The following MAST3 variants were observed in gnomAD, a reference collection of about 807,000 sequenced individuals.
MAST3 encodes microtubule associated serine/threonine kinase 3.
MAST3 carries 43 observed loss-of-function variants against 127.0 expected under a neutral mutation model. The ratio of observed to expected loss-of-function variants is 0.34; its 90% confidence interval spans 0.27 to 0.44. The LOEUF is 0.44. MAST3 is among the 20% of genes least tolerant of loss of function. MAST3 has a pLI of 1.00. For synonymous variants in MAST3, 785 were observed against 809.2 expected, an observed-to-expected ratio of 0.97 and a Z score of 0.51; for missense variants, 1,390 against 1,919.1, an observed-to-expected ratio of 0.72 and a Z score of 5.15.
chr19:18,138,675 T>A (rs1359367726), intron 19 of MAST3, among the ~76,000 whole-genome samples: 1 of 151,094 alleles, frequency 6.6e-6, no homozygotes, highest in Non-Finnish European at 1.5e-5. Context: ...ATATTTGTAT[T>A]TGTAGTAGAG....
At chr19:18,106,809 G>A (rs974692423) in intron 1 of MAST3, among the ~76,000 whole-genome samples, 3 of 151,528 alleles carry the variant, frequency 2.0e-5, no homozygotes, top group Non-Finnish European at 2.9e-5. Context: ...GACCTCAGGT[G>A]ATCTGCCCAC....
intron 27 of MAST3, among the ~76,000 whole-genome samples, chr19:18,148,314 T>G (rs560549486): frequency 9.4e-5 from 14 of 149,050 alleles, no homozygotes; most frequent in South Asian, 2.1e-4. Flanking sequence ...AAAAAAAAAT[T>G]AGGTGGTTGT....
rs769059046 is a variant in MAST3, at chr19:18,146,977, C to T, written c.3259C>T (p.Arg1087Cys). ...GAATGTGGCCAAGGGCCGCATGGCA[C>T]GCAGGAGCAAGAGGAGCCGTCGGCG... The part of the protein sequence containing the change: ...RKNVAKGRMA[R>C]RSKRSRRRET... Residue 1087 changes from arginine (R) to cysteine (C), a missense_variant, in exon 26 of 28, where the codon CGC becomes TGC. Physicochemically the swap from Arg to Cys is radical, Grantham distance 180. Around this residue, in one of 5 missense-constraint regions of MAST3, gnomAD observed 816 missense variants for 934.1 expected, o/e 0.87. Coordinates refer to ENST00000687212, the MANE Select transcript of MAST3 (RefSeq NM_001393504.1). 3.2e-6 allele frequency: 5 copies of T among 1,566,404 alleles called. No individual in the cohort carries two copies. Among genetic ancestry groups the T allele is most frequent in the African/African-American group, 2.7e-5 (2 of 73,798 alleles).
chr19:18,116,506 G>C (rs1406380805), intron 3 of MAST3, among the ~76,000 whole-genome samples: 1 of 149,796 alleles, frequency 6.7e-6, no homozygotes, highest in African/African-American at 2.4e-5. Flanking sequence ...TGTTGGCCAG[G>C]CTGGTCTCAA....
chr19:18,108,628 A>G (rs2038256027), intron 2 of MAST3, among the ~76,000 whole-genome samples: 1 of 152,176 alleles, frequency 6.6e-6, no homozygotes, highest in African/African-American at 2.4e-5. Flanking sequence ...TCAACCTCCC[A>G]AAGTGCTGGG....
At position 18,111,530 on chromosome 19, in the gene MAST3, C is replaced by CTTTTTTTTT. The variant is rs576984210; in HGVS notation, c.161+803_161+811dup. Among the ~76,000 whole-genome samples the CTTTTTTTTT allele has an allele frequency of 1.9e-3, 199 of 103,236 alleles. 23 individuals are homozygous for CTTTTTTTTT. The highest frequency in any genetic ancestry group is 8.7e-3 in the African/African-American group (187 of 21,604). 67.7% of individuals were successfully genotyped at this position (103,236 alleles called of 152,430 possible). On this transcript the variant is annotated intron_variant, in intron 3 of 27. Coordinates refer to ENST00000687212, the MANE Select transcript of MAST3 (RefSeq NM_001393504.1). ...TGAGCTGCTTAACTCTTTCCACAGA[C>CTTTTTTTTT]TTTTTTTTTTTTTTTTTTTTTTGAG...
chr19:18,119,387 G>A (rs1270721830), intron 3 of MAST3, among the ~76,000 whole-genome samples: 2 of 152,152 alleles, frequency 1.3e-5, no homozygotes, highest in Non-Finnish European at 2.9e-5. Context: ...CCAGGTGAGC[G>A]TGCATTGAGG....
intron 1 of MAST3, among the ~76,000 whole-genome samples, chr19:18,101,991 C>T (rs1303439569): frequency 6.7e-6 from 1 of 150,210 alleles, no homozygotes; most frequent in Non-Finnish European, 1.5e-5. Context: ...TGCCATTCTC[C>T]TGCCTCAGCC....
At position 18,149,883 on chromosome 19, in the gene MAST3, G is replaced by A. The variant is rs2043407708; in HGVS notation, c.*157G>A. Reference sequence around the variant, plus strand: ...TTGCTGGAAGGTGGAGACATCGCTTGTGTTCTGGTGTCAATCGGGGCTGGA... The same window carrying A: ...TTGCTGGAAGGTGGAGACATCGCTTATGTTCTGGTGTCAATCGGGGCTGGA... On this transcript the variant is annotated 3_prime_UTR_variant, in exon 28 of 28. Coordinates refer to ENST00000687212, the MANE Select transcript of MAST3 (RefSeq NM_001393504.1). This position sits in a 1 kb window ranked among gnomAD's most constrained non-coding sequence, Gnocchi z 5.9. 4 of 988,370 alleles carry A rather than the reference G, an allele frequency of 4.0e-6. No homozygotes were observed. The highest frequency in any genetic ancestry group is 5.4e-6 in the Non-Finnish European group (4 of 740,784). The allele number at this position is 988,370 out of a possible 1,614,324, so 61.2% of individuals were successfully genotyped here. A position where few individuals can be genotyped will look rare whatever the true frequency, so the allele number is the denominator to read the frequency against.
In MAST3 at chr19:18,099,916, A is replaced by G. The variant is rs554862197; in HGVS notation, c.39+2085A>G. On this transcript the variant is annotated intron_variant, in intron 1 of 27. Coordinates refer to ENST00000687212, the MANE Select transcript of MAST3 (RefSeq NM_001393504.1). ...TTTCCCCCTAGGGTGATGGGGAGCT[A>G]TGGAAGGTGCTGGAGCAGGAGAGGA... Among the ~76,000 whole-genome samples the G allele has an allele frequency of 1.2e-3, 182 of 152,232 alleles. 1 individual carries two copies. The highest frequency in any genetic ancestry group is 4.2e-3 in the African/African-American group (173 of 41,554).
At chr19:18,134,739 C>T (rs367908782) in intron 16 of MAST3, 28 bp downstream of exon 16, 103 of 1,612,842 alleles carry the variant, frequency 6.4e-5, no homozygotes, top group Non-Finnish European at 8.0e-5. Context: ...TGGGCAGCCC[C>T]GGGATGCCTC....
rs2038415102 is a variant in MAST3 at position 18,110,107 on chromosome 19, C to A, written c.72-545C>A. ...GACCCTCGCTGCCGGGCCGGGCCTGCGCGCAGGTGCGGAGCTGCGATCCCC... is the reference window on the plus strand; with the variant it reads ...GACCCTCGCTGCCGGGCCGGGCCTGAGCGCAGGTGCGGAGCTGCGATCCCC... On this transcript the variant is annotated intron_variant, in intron 2 of 27. Coordinates refer to ENST00000687212, the MANE Select transcript of MAST3 (RefSeq NM_001393504.1). This position sits in a 1 kb window ranked among gnomAD's most constrained non-coding sequence, Gnocchi z 4.3. The A allele has an allele frequency of 2.0e-6, 2 of 985,196 alleles. No individual in the cohort carries two copies. Among genetic ancestry groups the A allele is most frequent in the South Asian group, 9.4e-5 (2 of 21,296 alleles). 61.0% of individuals were successfully genotyped at this position (985,196 alleles called of 1,614,324 possible). A position where few individuals can be genotyped will look rare whatever the true frequency, so the allele number is the denominator to read the frequency against.
chr19:18,141,931 C>A lies in MAST3; in HGVS notation c.2255C>A (p.Ala752Asp). The A allele has an allele frequency of 6.4e-7, 1 of 1,555,656 alleles. No homozygotes were observed. Among genetic ancestry groups the A allele is most frequent in the Non-Finnish European group, 8.7e-7 (1 of 1,148,960 alleles). ...GCCGTCCAGCCCACTCCTACCTTCG[C>A]TGAAAGGAGCTTCAGTGAAGACCGG... ...FLAVQPTPTF[A>D]ERSFSEDREE... Residue 752 changes from alanine to aspartate, a missense_variant, in exon 21 of 28, where the codon GCT (alanine) becomes GAT (aspartate). Physicochemically the swap from Ala to Asp is moderately radical, Grantham distance 126. Transcript: ENST00000687212.
At chr19:18,133,582 T>A (rs958404170) in intron 15 of MAST3, among the ~76,000 whole-genome samples, 2 of 73,672 alleles carry the variant, frequency 2.7e-5, no homozygotes, top group African/African-American at 1.2e-4. Flanking sequence ...TGAGACGGGG[T>A]CTCACTCTGT....
chr19:18,135,130 G>A, intron 17 of MAST3, 148 bp downstream of exon 17: 6 of 922,066 alleles, frequency 6.5e-6, no homozygotes, highest in East Asian at 2.6e-5. Flanking sequence ...TGAGTGAGGC[G>A]GGTGGCTGGA....
chr19:18,144,815 C>T lies in MAST3; in HGVS notation c.2812+122C>T, dbSNP rs775192278. Reference sequence around the variant, plus strand: ...CCAGAAGAGGGGAGGAGGAGTAGGACACATGGAGAGCTGGGGAGATGGTGT... The same window carrying T: ...CCAGAAGAGGGGAGGAGGAGTAGGATACATGGAGAGCTGGGGAGATGGTGT... On this transcript the variant is annotated intron_variant, in intron 23 of 27. Coordinates refer to ENST00000687212, the MANE Select transcript of MAST3 (RefSeq NM_001393504.1). The surrounding 1 kb of genome is among the most constrained non-coding windows in gnomAD (Gnocchi z 4.0). 543 of 1,112,182 alleles carry T rather than the reference C, an allele frequency of 4.9e-4. No individual in the cohort carries two copies. The highest frequency in any genetic ancestry group is 6.4e-4 in the Non-Finnish European group (484 of 753,868). The allele number at this position is 1,112,182 out of a possible 1,614,324, so 68.9% of individuals were successfully genotyped here.
intron 21 of MAST3, among the ~76,000 whole-genome samples, chr19:18,142,540 C>T (rs535097982): frequency 6.6e-4 from 100 of 151,606 alleles, no homozygotes; most frequent in African/African-American, 2.3e-3. Flanking sequence ...TTAGTAGAGA[C>T]GGGGTTTTGC....
At chr19:18,141,794 G>A in intron 20 of MAST3, 88 bp from the exon 21 acceptor site, 1 of 1,122,898 alleles carries the variant, frequency 8.9e-7, no homozygotes, top group Non-Finnish European at 1.2e-6. Context: ...GGGCTCAAGT[G>A]ATCCTCCCAG....
At position 18,110,173 on chromosome 19, in the gene MAST3, C is replaced by G. The variant is rs912087425; in HGVS notation, c.72-479C>G. The G allele has an allele frequency of 7.0e-5, 69 of 985,326 alleles. No individual in the cohort carries two copies. The highest frequency in any genetic ancestry group is 8.1e-5 in the Non-Finnish European group (67 of 829,962). The allele number at this position is 985,326 out of a possible 1,614,324, so 61.0% of individuals were successfully genotyped here. A position where few individuals can be genotyped will look rare whatever the true frequency, so the allele number is the denominator to read the frequency against. ...CAGCCCGGCCCCCAGCGGCCCAGCCCCCGCGTCTAGTCTGCCGCACCAGCC... is the reference window on the plus strand; with the variant it reads ...CAGCCCGGCCCCCAGCGGCCCAGCCGCCGCGTCTAGTCTGCCGCACCAGCC... On this transcript the variant is annotated intron_variant, in intron 2 of 27. Coordinates refer to ENST00000687212, the MANE Select transcript of MAST3 (RefSeq NM_001393504.1). The surrounding 1 kb of genome is among the most constrained non-coding windows in gnomAD (Gnocchi z 4.3).
Sources: gnomAD v4.1 joint callset for allele counts (sites outside exome capture counted in the v4.1 genomes callset) on GRCh38, gnomAD v4.1.1 for gene constraint, gnomAD v4.1.1 regional missense constraint, Gnocchi (gnomAD v3.1) non-coding constraint, MANE v1.5 for transcripts, NCBI Gene and HGNC (gene_info 2026-07-23, HGNC 2026-07-21) for gene names.